PCBP3: variants seen among roughly 807,000 people sequenced by gnomAD.
The protein encoded by PCBP3 is poly(rC)-binding protein 3.
PCBP3 carries 25 observed loss-of-function variants against 52.7 expected under a neutral mutation model. The ratio of observed to expected loss-of-function variants is 0.47; its 90% CI spans 0.35 to 0.66. The LOEUF is 0.66. Among genes scored for constraint, PCBP3 ranks in the 30% least tolerant of loss-of-function variants. The probability of loss-of-function intolerance (pLI) is 0.01; values close to 1 mark genes in which losing one functional copy is unlikely to be tolerated. For synonymous variants in PCBP3, 162 were observed against 183.0 expected (o/e 0.89, Z 0.93); for missense variants, 391 against 490.3 (o/e 0.80, Z 1.91).
At chr21:45,764,195 T>C (rs1347812742) in intron 4 of PCBP3, among the ~76,000 whole-genome samples, 1 of 151,560 alleles carries the variant, frequency 6.6e-6, no homozygotes, top group Non-Finnish European at 1.5e-5. Context: ...CAATCTTGGC[T>C]CACCGCAACC....
In PCBP3 at chr21:45,822,953, T is replaced by C. The variant is rs2093187220; in HGVS notation, c.-125-27008T>C. On this transcript the variant is annotated intron_variant, in intron 4 of 17. Coordinates refer to ENST00000681687, the MANE Select transcript of PCBP3 (RefSeq NM_001384156.1). Reference sequence around the variant, plus strand: ...ACCCCATGGTATCGGGCACACCCTGTCACTGTGACTCACATGTGAGGCTGA... The same window carrying C: ...ACCCCATGGTATCGGGCACACCCTGCCACTGTGACTCACATGTGAGGCTGA... 2.0e-5 allele frequency among the ~76,000 whole-genome samples: 3 copies of C among 152,282 alleles called. No homozygotes were observed. The South Asian group carries it at 6.2e-4, about 32-fold the overall frequency.
At chr21:45,729,270 A>G (rs1175469824) in intron 2 of PCBP3, among the ~76,000 whole-genome samples, 1 of 152,154 alleles carries the variant, frequency 6.6e-6, no homozygotes, top group East Asian at 1.9e-4. Context: ...AGAATACTCC[A>G]CTGATGCCTG....
intron 4 of PCBP3, among the ~76,000 whole-genome samples, chr21:45,785,344 G>T (rs1420722359): frequency 2.1e-5 from 3 of 146,322 alleles, no homozygotes; most frequent in South Asian, 4.4e-4. Flanking sequence ...GAGGTGGGGG[G>T]GTCAGCCCCC....
intron 2 of PCBP3, among the ~76,000 whole-genome samples, chr21:45,728,953 A>G (rs892198369): frequency 6.6e-6 from 1 of 152,336 alleles, no homozygotes; most frequent in Admixed American, 6.5e-5. Context: ...ACACCAAATT[A>G]AAGTGTACAA....
chr21:45,925,334 C>T (rs2149436928), intron 13 of PCBP3, among the ~76,000 whole-genome samples: 1 of 152,322 alleles, frequency 6.6e-6, no homozygotes, highest in South Asian at 2.1e-4. Flanking sequence ...GATATGTAAC[C>T]TCTGTGACAG....
intron 1 of PCBP3, among the ~76,000 whole-genome samples, chr21:45,668,269 C>T (rs190938098): frequency 7.5e-4 from 114 of 152,240 alleles, no homozygotes; most frequent in African/African-American, 2.7e-3. Context: ...CCAGATTTTC[C>T]TTTTAAGCTT....
intron 1 of PCBP3, among the ~76,000 whole-genome samples, chr21:45,660,637 G>T (rs1053214384): frequency 2.0e-5 from 3 of 152,040 alleles, no homozygotes; most frequent in African/African-American, 7.2e-5. Context: ...CTGGCAATTT[G>T]TAACAGTTTA....
intron 5 of PCBP3, chr21:45,872,425 A>T (rs2095067259): frequency 6.6e-6 from 1 of 152,202 alleles, no homozygotes; most frequent in Non-Finnish European, 1.5e-5. Context: ...GTACCCACCC[A>T]CTTCTGTGAA....
intron 2 of PCBP3, among the ~76,000 whole-genome samples, chr21:45,702,827 A>G (rs1249788219): frequency 6.6e-6 from 1 of 152,244 alleles, no homozygotes; most frequent in Non-Finnish European, 1.5e-5. Flanking sequence ...ATAGCCTTTC[A>G]CCACGGTATA....
At chr21:45,722,330 T>C (rs2084710216) in intron 2 of PCBP3, among the ~76,000 whole-genome samples, 1 of 152,230 alleles carries the variant, frequency 6.6e-6, no homozygotes, top group Non-Finnish European at 1.5e-5. Context: ...AACCAAAGGC[T>C]TACAGCACCT....
At chr21:45,792,823 C>T (rs1295688278) in intron 4 of PCBP3, among the ~76,000 whole-genome samples, 1 of 152,192 alleles carries the variant, frequency 6.6e-6, no homozygotes, top group Non-Finnish European at 1.5e-5. Flanking sequence ...CTCAGAGGAG[C>T]AGAGCCAGGT....
intron 4 of PCBP3, chr21:45,762,217 C>T (rs1005019103): frequency 1.3e-5 from 2 of 152,286 alleles, no homozygotes; most frequent in Non-Finnish European, 2.9e-5. Context: ...AGGGTGCTCT[C>T]ACAGGGCAAG....
intron 1 of PCBP3, among the ~76,000 whole-genome samples, chr21:45,655,686 G>A: frequency 6.6e-6 from 1 of 152,144 alleles, no homozygotes; most frequent in Admixed American, 6.6e-5. Flanking sequence ...AAGAGCTTCT[G>A]CACAGCAAAA....
chr21:45,787,090 A>G (rs1275934482), intron 4 of PCBP3, among the ~76,000 whole-genome samples: 1 of 152,250 alleles, frequency 6.6e-6, no homozygotes, highest in East Asian at 1.9e-4. Flanking sequence ...TCTGGTAAAT[A>G]CTAGGTATAT....
chr21:45,708,912 G>A (rs2083636419), intron 2 of PCBP3, among the ~76,000 whole-genome samples: 1 of 152,244 alleles, frequency 6.6e-6, no homozygotes. Flanking sequence ...CCACTGGCAG[G>A]CCCATGTGTG....
chr21:45,864,496 AAT>A (rs2094631867), intron 5 of PCBP3, among the ~76,000 whole-genome samples: 2 of 152,206 alleles, frequency 1.3e-5, no homozygotes, highest in African/African-American at 4.8e-5. Context: ...GTTACAACAA[AAT>A]TTTATATTTT....
chr21:45,868,411 C>CTTTTTTTTTTTTTTTTTTTT (rs1232045625), intron 5 of PCBP3, among the ~76,000 whole-genome samples: 1 of 113,680 alleles, frequency 8.8e-6, no homozygotes, highest in Non-Finnish European at 1.8e-5. Context: ...CTTATTTGTT[C>CTTTTTTTTTTTTTTTTTTTT]TTTTTTTTTT....
intron 2 of PCBP3, among the ~76,000 whole-genome samples, chr21:45,692,955 G>A (rs753603172): frequency 1.5e-4 from 23 of 152,016 alleles, no homozygotes; most frequent in Non-Finnish European, 2.4e-4. Context: ...TAGCAAGAAC[G>A]CGAGGTTGGT....
At chr21:45,908,615 C>T (rs1032958820) in intron 9 of PCBP3, among the ~76,000 whole-genome samples, 6 of 150,968 alleles carry the variant, frequency 4.0e-5, no homozygotes, top group African/African-American at 1.2e-4. Context: ...GTCCGCCACG[C>T]TCTGCAGCGA....
Sources: gnomAD v4.1 joint callset for allele counts (sites outside exome capture counted in the v4.1 genomes callset) on GRCh38, gnomAD v4.1.1 for gene constraint, MANE v1.5 for transcripts, NCBI Gene and HGNC (gene_info 2026-07-23, HGNC 2026-07-21) for gene names.